The following MAP3K13 variants were observed in gnomAD, a reference collection of about 807,000 sequenced individuals.
MAP3K13 encodes the protein leucine zipper-bearing kinase.
A neutral mutation model predicts 104.0 loss-of-function variants in MAP3K13; 52 were observed. The ratio of observed to expected loss-of-function variants is 0.50; its 90% CI spans 0.40 to 0.63. MAP3K13 has a LOEUF of 0.63. Among genes scored for constraint, MAP3K13 ranks in the 20% least tolerant of loss-of-function variants. The probability of loss-of-function intolerance (pLI) is 0.00; values close to 1 mark genes in which losing one functional copy is unlikely to be tolerated. For missense variants in MAP3K13, 914 were observed against 1,218.5 expected (o/e 0.75, Z 3.72); for synonymous variants, 394 against 442.2 (o/e 0.89, Z 1.37).
chr3:185,406,725 A>G (rs1713133032), intron 1 of MAP3K13, among the ~76,000 whole-genome samples: 1 of 152,246 alleles, frequency 6.6e-6, no homozygotes, highest in African/African-American at 2.4e-5. Flanking sequence ...AACAGACTAT[A>G]TGTAAGGATT....
intron 1 of MAP3K13, among the ~76,000 whole-genome samples, chr3:185,403,899 C>G (rs1712959174): frequency 1.3e-5 from 2 of 152,206 alleles, no homozygotes; most frequent in African/African-American, 4.8e-5. Flanking sequence ...GCAAAATTAT[C>G]TGACCTAAGG....
At chr3:185,458,416 G>C (rs535829644) in intron 7 of MAP3K13, among the ~76,000 whole-genome samples, 1 of 150,290 alleles carries the variant, frequency 6.7e-6, no homozygotes, top group Non-Finnish European at 1.5e-5. Context: ...CTTGAGTTGC[G>C]TACGATAGCA....
At chr3:185,468,060 C>T (rs1717557885) in intron 10 of MAP3K13, among the ~76,000 whole-genome samples, 1 of 152,076 alleles carries the variant, frequency 6.6e-6, no homozygotes, top group South Asian at 2.1e-4. Context: ...ATGAGAACAG[C>T]ACCGAGGAGA....
intron 2 of MAP3K13, among the ~76,000 whole-genome samples, chr3:185,316,014 G>A (rs981272841): frequency 8.5e-5 from 13 of 152,132 alleles, no homozygotes; most frequent in African/African-American, 2.9e-4. Context: ...TTGTATCTTA[G>A]AGGGCAAAGT....
At chr3:185,363,075 C>T, upstream of MAP3K13, 1 of 985,124 alleles carries the variant, frequency 1.0e-6, no homozygotes, top group Non-Finnish European at 1.2e-6. Context: ...AGAAGGAAGG[C>T]CATGTCTGCC....
intron 1 of MAP3K13, among the ~76,000 whole-genome samples, chr3:185,391,839 G>A (rs1712070786): frequency 1.3e-5 from 2 of 152,100 alleles, no homozygotes; most frequent in African/African-American, 4.8e-5. Flanking sequence ...TTAAAAAGCA[G>A]ATAGGTTAGA....
At chr3:185,455,691 T>A (rs867693748) in intron 7 of MAP3K13, among the ~76,000 whole-genome samples, 1 of 17,862 alleles carries the variant, frequency 5.6e-5, no homozygotes, top group African/African-American at 1.1e-4. Flanking sequence ...GATATATATA[T>A]GATATATATA....
At chr3:185,455,093 TGA>T (rs1162704652) in intron 7 of MAP3K13, among the ~76,000 whole-genome samples, 6 of 112,050 alleles carry the variant, frequency 5.4e-5, no homozygotes, top group Non-Finnish European at 6.8e-5. Flanking sequence ...GATATATATA[TGA>T]GATATATGTG....
At chr3:185,301,791 G>C (rs900921851) in intron 2 of MAP3K13, among the ~76,000 whole-genome samples, 4 of 152,144 alleles carry the variant, frequency 2.6e-5, no homozygotes, top group African/African-American at 9.7e-5. Flanking sequence ...ATATACATGA[G>C]GGTTCATTTT....
At chr3:185,432,339 T>A (rs574457320) in intron 2 of MAP3K13, among the ~76,000 whole-genome samples, 1 of 151,980 alleles carries the variant, frequency 6.6e-6, no homozygotes, top group East Asian at 1.9e-4. Flanking sequence ...TACAGGCGTG[T>A]GCCACCACGC....
rs555710834 is a variant in MAP3K13, at chr3:185,459,142, G to A, written c.1279-4408G>A. Reference sequence around the variant, plus strand: ...CAGAAATGCAGGGACTGGGAGTTGCGGAGACACCCCAACTGTGAGGTTAGA... The same window carrying A: ...CAGAAATGCAGGGACTGGGAGTTGCAGAGACACCCCAACTGTGAGGTTAGA... On this transcript the variant is annotated intron_variant, in intron 7 of 13. Transcript: ENST00000265026. Among the ~76,000 whole-genome samples the A allele has an allele frequency of 2.2e-4, 33 of 152,188 alleles. 1 individual carries two copies. The South Asian group carries it at 3.9e-3, about 18-fold the overall frequency.
intron 7 of MAP3K13, among the ~76,000 whole-genome samples, chr3:185,457,450 A>C (rs563827524): frequency 3.9e-5 from 6 of 152,294 alleles, no homozygotes; most frequent in African/African-American, 1.4e-4. Flanking sequence ...TGAGGGCCTG[A>C]GTTCTGGTTT....
rs1319407872 is a variant in MAP3K13, at chr3:185,463,481, G to A, written c.1279-69G>A. On this transcript the variant is annotated intron_variant, in intron 7 of 13. Transcript: ENST00000265026. The stretch of plus-strand genomic sequence containing the variant: ...CATGCAGGGAAAAAAAATCTTGTAC[G>A]TGACTTTATGGATATATCAGGGATT... The A allele has an allele frequency of 7.1e-5, 61 of 863,078 alleles. No homozygotes were observed. The East Asian group carries it at 7.6e-4, about 11-fold the overall frequency. The allele number at this position is 863,078 out of a possible 1,614,324, so 53.5% of individuals were successfully genotyped here. A position where few individuals can be genotyped will look rare whatever the true frequency, so the allele number is the denominator to read the frequency against.
At chr3:185,336,777 T>C (rs966735252) in intron 2 of MAP3K13, among the ~76,000 whole-genome samples, 4 of 151,784 alleles carry the variant, frequency 2.6e-5, no homozygotes, top group Admixed American at 6.6e-5. Context: ...TAGCAAAATA[T>C]ACTCTTTTAA....
At chr3:185,352,303 G>A (rs989527975) in intron 2 of MAP3K13, among the ~76,000 whole-genome samples, 1 of 152,118 alleles carries the variant, frequency 6.6e-6, no homozygotes, top group South Asian at 2.1e-4. Context: ...AATTAGCCGG[G>A]TGTGGTGGTG....
Position 185,377,854 on chromosome 3 carries a change from A to AG in MAP3K13, c.-86+14490dup, listed in dbSNP as rs1202266502. On this transcript the variant is annotated intron_variant, in intron 1 of 13. Coordinates refer to ENST00000265026, the MANE Select transcript of MAP3K13 (RefSeq NM_004721.5). ...GGAAGGGGCCTTGGGCCAGAGTTCC[A>AG]GGGGCTCTGGGAGTGGCTGCCGGGC... 1.6e-4 allele frequency among the ~76,000 whole-genome samples: 25 copies of AG among 152,246 alleles called. 1 individual carries two copies. Among genetic ancestry groups the AG allele is most frequent in the Non-Finnish European group, 1.3e-4 (9 of 68,042 alleles).
intron 2 of MAP3K13, among the ~76,000 whole-genome samples, chr3:185,287,318 A>G (rs1720553079): frequency 6.6e-6 from 1 of 151,982 alleles, no homozygotes; most frequent in African/African-American, 2.4e-5. Context: ...TTTTTAAACA[A>G]CTCTTATTAT....
chr3:185,310,444 A>T (rs1167353273), intron 2 of MAP3K13, among the ~76,000 whole-genome samples: 1 of 152,242 alleles, frequency 6.6e-6, no homozygotes, highest in Non-Finnish European at 1.5e-5. Context: ...AGATGTTGGA[A>T]ATACCAGATG....
At chr3:185,386,671 T>C (rs1230230669) in intron 1 of MAP3K13, among the ~76,000 whole-genome samples, 2 of 152,098 alleles carry the variant, frequency 1.3e-5, no homozygotes, top group East Asian at 1.9e-4. Context: ...CAATGATAGA[T>C]TGGATAAAGA....
Sources: gnomAD v4.1 joint callset for allele counts (sites outside exome capture counted in the v4.1 genomes callset) on GRCh38, gnomAD v4.1.1 for gene constraint, MANE v1.5 for transcripts, NCBI Gene and HGNC (gene_info 2026-07-23, HGNC 2026-07-21) for gene names.